HMCES: variants seen among roughly 807,000 people sequenced by gnomAD.
The protein encoded by HMCES is abasic site processing protein HMCES.
In HMCES, 27 loss-of-function variants were observed where a neutral mutation model predicts 35.1. The ratio of observed to expected loss-of-function variants is 0.77; its 90% CI spans 0.57 to 1.06. The LOEUF (loss-of-function observed/expected upper bound fraction) is 1.06. HMCES is among the 50% of genes least tolerant of loss of function. The pLI is 0.00. For missense variants in HMCES, 391 were observed against 430.4 expected, an observed-to-expected ratio of 0.91 and a Z score of 0.81; for synonymous variants, 130 against 154.7, an observed-to-expected ratio of 0.84 and a Z score of 1.18.
At position 129,304,796 on chromosome 3, in the gene HMCES, C is replaced by T. The variant is rs1015358157; in HGVS notation, c.1036C>T (p.Pro346Ser). 6.2e-7 allele frequency: 1 copy of T among 1,614,096 alleles called. No homozygotes were observed. Among genetic ancestry groups the T allele is most frequent in the Non-Finnish European group, 8.5e-7 (1 of 1,180,014 alleles). Residue 346 changes from proline to serine, a missense_variant, in exon 7 of 7, where the codon CCT becomes TCT. Pro to Ser is a moderately conservative substitution (Grantham distance 74). Transcript: ENST00000383463. ...GCTGAAGCGGGAGAAGGAGGAGGAA[C>T]CTGTGGCCAAGCGTCCTTACAGCCA... is the stretch of plus-strand genomic sequence containing the variant. Reference protein sequence around the residue: ...QWLKREKEEEPVAKRPYSQ With the variant: ...QWLKREKEEESVAKRPYSQ
At chr3:129,294,670 A>G (rs2071070258) in intron 4 of HMCES, among the ~76,000 whole-genome samples, 1 of 152,214 alleles carries the variant, frequency 6.6e-6, no homozygotes, top group South Asian at 2.1e-4. Flanking sequence ...GGTAAAAAAT[A>G]AGAAAAGTCT....
chr3:129,296,096 T>C (rs2071088474), intron 4 of HMCES, among the ~76,000 whole-genome samples: 1 of 152,208 alleles, frequency 6.6e-6, no homozygotes, highest in Non-Finnish European at 1.5e-5. Flanking sequence ...AGTCTCGCTC[T>C]GTCACCCAAG....
chr3:129,292,623 G>T, intron 4 of HMCES, among the ~76,000 whole-genome samples: 1 of 151,422 alleles, frequency 6.6e-6, no homozygotes. Flanking sequence ...CTCCCAAGTA[G>T]CTGGGACTAC....
chr3:129,305,873 A>G lies in HMCES; in HGVS notation c.*1048A>G, dbSNP rs2071227973. 1 of 152,314 alleles carries G rather than the reference A, an allele frequency of 6.6e-6. No homozygotes were observed. Among genetic ancestry groups the G allele is most frequent in the Admixed American group, 6.5e-5 (1 of 15,292 alleles). 9.4% of individuals were successfully genotyped at this position (152,314 alleles called of 1,614,324 possible). ...TAATGGGAGACAGCAGCGCCACGCC[A>G]CAGGCTTTTCCCCTGGTTTCGGGAG... is the stretch of plus-strand genomic sequence containing the variant. On this transcript the variant is annotated 3_prime_UTR_variant, in exon 7 of 7. Coordinates refer to ENST00000383463, the MANE Select transcript of HMCES (RefSeq NM_020187.3).
chr3:129,279,933 A>G lies in HMCES; in HGVS notation c.183+18A>G. ...TTGAGAAGGTAACCAGCATTGCACT[A>G]TGCTAGCCCCTCGCCCAGCCTCGTG... On this transcript the variant is annotated intron_variant, in intron 2 of 6. Coordinates refer to ENST00000383463, the MANE Select transcript of HMCES (RefSeq NM_020187.3). The surrounding 1 kb of genome is among the most constrained non-coding windows in gnomAD (Gnocchi z 4.2). 4 of 1,533,982 alleles carry G rather than the reference A, an allele frequency of 2.6e-6. No homozygotes were observed. The highest frequency in any genetic ancestry group is 3.5e-6 in the Non-Finnish European group (4 of 1,142,424).
chr3:129,297,225 C>T (rs1294924411), intron 4 of HMCES, among the ~76,000 whole-genome samples: 2 of 151,970 alleles, frequency 1.3e-5, no homozygotes, highest in East Asian at 3.9e-4. Context: ...TAGACTGCTT[C>T]TGCTTGTCAC....
In HMCES at chr3:129,301,924, A is replaced by T. The variant is rs374419314; in HGVS notation, c.636-26A>T. 1.9e-6 allele frequency: 3 copies of T among 1,582,862 alleles called. No individual in the cohort carries two copies. The Admixed American group carries it at 5.2e-5, about 27-fold the overall frequency. On this transcript the variant is annotated intron_variant, in intron 5 of 6. Coordinates refer to ENST00000383463, the MANE Select transcript of HMCES (RefSeq NM_020187.3). ...CCTTATTCTCATGCTACCTCTCCCA[A>T]CCATTGTCTTAACTTCCCTGGCCAG...
chr3:129,297,641 C>T (rs187955633), intron 4 of HMCES, among the ~76,000 whole-genome samples: 11 of 152,170 alleles, frequency 7.2e-5, no homozygotes, highest in Admixed American at 2.6e-4. Context: ...CTAGCCTGTA[C>T]GCTGCTTGTA....
intron 2 of HMCES, among the ~76,000 whole-genome samples, chr3:129,284,148 A>C (rs1940568819): frequency 6.6e-6 from 1 of 152,190 alleles, no homozygotes. Context: ...TTTCCAGCTG[A>C]GGTTGATCGA....
chr3:129,292,394 G>C (rs1170407817), intron 4 of HMCES, among the ~76,000 whole-genome samples: 2 of 151,808 alleles, frequency 1.3e-5, no homozygotes, highest in Non-Finnish European at 2.9e-5. Context: ...GGCTGAGGTG[G>C]AATGATAGCT....
Position 129,304,987 on chromosome 3 carries a change from T to TA in HMCES, c.*163dup. 6.4e-6 allele frequency: 4 copies of TA among 624,862 alleles called. No individual in the cohort carries two copies. The South Asian group carries it at 7.9e-5, about 12-fold the overall frequency. The allele number at this position is 624,862 out of a possible 1,614,324, so 38.7% of individuals were successfully genotyped here. A position where few individuals can be genotyped will look rare whatever the true frequency, so the allele number is the denominator to read the frequency against. ...CTTTTTTGCCATGAGTAGGAGCCCC[T>TA]AGTGGGGCTGGTGGACAGCTTTGGA... On this transcript the variant is annotated 3_prime_UTR_variant, in exon 7 of 7. Coordinates refer to ENST00000383463, the MANE Select transcript of HMCES (RefSeq NM_020187.3).
chr3:129,289,345 A>C (rs189296050), intron 3 of HMCES, among the ~76,000 whole-genome samples: 1 of 152,290 alleles, frequency 6.6e-6, no homozygotes, highest in East Asian at 1.9e-4. Context: ...GGATGACTAG[A>C]ACAACTAGAA....
chr3:129,286,093 G>T lies in HMCES; in HGVS notation c.184-2761G>T, dbSNP rs548032270. On this transcript the variant is annotated intron_variant, in intron 2 of 6. Transcript: ENST00000383463. ...ACCTTGATCTTTCCTCTATACCAGG[G>T]ATTGGCAAACTACGGTCCTCAGACC... Among the ~76,000 whole-genome samples the T allele has an allele frequency of 2.6e-5, 4 of 152,306 alleles. No homozygotes were observed. The South Asian group carries it at 8.3e-4, about 32-fold the overall frequency.
At chr3:129,288,454 G>A (rs996136782) in intron 2 of HMCES, among the ~76,000 whole-genome samples, 1 of 151,852 alleles carries the variant, frequency 6.6e-6, no homozygotes, top group Non-Finnish European at 1.5e-5. Context: ...CAACACTTTG[G>A]GAGGCTAAGG....
chr3:129,291,933 A>G (rs1022403279), intron 4 of HMCES, among the ~76,000 whole-genome samples: 40 of 152,096 alleles, frequency 2.6e-4, no homozygotes, highest in African/African-American at 9.2e-4. Flanking sequence ...TCTACCAAAA[A>G]TACAAAAAAT....
At chr3:129,289,664 C>CA (rs1362539740) in intron 3 of HMCES, among the ~76,000 whole-genome samples, 5 of 151,970 alleles carry the variant, frequency 3.3e-5, no homozygotes, top group Non-Finnish European at 7.4e-5. Flanking sequence ...TGTGAGCTAT[C>CA]ACGCCCGGCC....
chr3:129,289,032 C>G, intron 3 of HMCES, 35 bp downstream of exon 3: 1 of 1,485,908 alleles, frequency 6.7e-7, no homozygotes, highest in Non-Finnish European at 9.1e-7. Flanking sequence ...CCCCGTATAC[C>G]TCAGAAATAA....
intron 2 of HMCES, among the ~76,000 whole-genome samples, chr3:129,282,472 C>T (rs193010093): frequency 6.6e-6 from 1 of 152,162 alleles, no homozygotes; most frequent in Non-Finnish European, 1.5e-5. Flanking sequence ...AGACCACCGT[C>T]CCCACTCCAG....
chr3:129,297,031 A>C (rs58516720), intron 4 of HMCES, among the ~76,000 whole-genome samples: 35,410 of 151,904 alleles, frequency 0.23, 6,609 homozygotes, highest in African/African-American at 0.52. Context: ...AGCCACCACG[A>C]CCAGGCTACA....
Sources: gnomAD v4.1 joint callset for allele counts (sites outside exome capture counted in the v4.1 genomes callset) on GRCh38, gnomAD v4.1.1 for gene constraint, Gnocchi (gnomAD v3.1) non-coding constraint, MANE v1.5 for transcripts, NCBI Gene and HGNC (gene_info 2026-07-23, HGNC 2026-07-21) for gene names.